ATAD2: variants seen among roughly 807,000 people sequenced by gnomAD.
The protein encoded by ATAD2 is ATPase family AAA domain-containing protein 2.
Under a neutral mutation model 168.9 loss-of-function variants are expected in ATAD2, and 62 were observed. The observed-to-expected ratio is 0.37, with a 90% CI of 0.30 to 0.45. ATAD2 has a LOEUF of 0.45. Ranked by LOEUF, ATAD2 falls within the 20% of genes least tolerant of loss-of-function variation. The pLI is 1.00. For synonymous variants in ATAD2, 613 were observed against 571.6 expected (o/e 1.07, Z -1.03); for missense variants, 1,419 against 1,667.8 (o/e 0.85, Z 2.60).
chr8:123,375,719 C>A (rs900501568), intron 2 of ATAD2, among the ~76,000 whole-genome samples: 3 of 152,202 alleles, frequency 2.0e-5, no homozygotes, highest in Non-Finnish European at 4.4e-5. Flanking sequence ...CGCTGTAATT[C>A]CAGCATTTTG....
intron 27 of ATAD2, among the ~76,000 whole-genome samples, chr8:123,321,707 G>A (rs1827472456): frequency 6.6e-6 from 1 of 152,030 alleles, no homozygotes; most frequent in Non-Finnish European, 1.5e-5. Context: ...GCTGAGGCGG[G>A]AGGACCGCTT....
chr8:123,356,982 G>A (rs531037023), intron 12 of ATAD2, among the ~76,000 whole-genome samples: 13 of 152,116 alleles, frequency 8.5e-5, no homozygotes, highest in African/African-American at 3.1e-4. Flanking sequence ...AATATTTATT[G>A]AACTATGGAA....
intron 9 of ATAD2, among the ~76,000 whole-genome samples, 194 bp downstream of exon 9, chr8:123,361,345 A>G (rs1828814463): frequency 1.3e-5 from 2 of 151,616 alleles, no homozygotes; most frequent in Admixed American, 6.6e-5. Context: ...TCAAGAAATC[A>G]GTCATATGTT....
intron 1 of ATAD2, among the ~76,000 whole-genome samples, chr8:123,381,553 G>A (rs1249591452): frequency 1.3e-5 from 2 of 149,698 alleles, no homozygotes; most frequent in South Asian, 2.1e-4. Flanking sequence ...TTAATCTGTT[G>A]TAAAAACCAT....
chr8:123,347,253 T>G lies in ATAD2; in HGVS notation c.2051A>C (p.Gln684Pro). 6.2e-7 allele frequency: 1 copy of G among 1,614,178 alleles called. No homozygotes were observed. Among genetic ancestry groups the G allele is most frequent in the Non-Finnish European group, 8.5e-7 (1 of 1,180,046 alleles). The change falls in exon 16 of 28, where the codon CAA (glutamine) becomes CCA (proline). Residue 684 changes from glutamine (Q) to proline (P), a missense_variant. Coordinates refer to ENST00000287394, the MANE Select transcript of ATAD2 (RefSeq NM_014109.4). ...TCTTTGGGAGGCTGGTATCATCTTT[T>G]GCATAGCTACCTCGAAATCCTTAGC... is the stretch of plus-strand genomic sequence containing the variant. ...ISAKDFEVAM[Q>P]KMIPASQRAV...
At chr8:123,399,885 G>C (rs923428342), upstream of ATAD2, among the ~76,000 whole-genome samples, 2 of 151,430 alleles carry the variant, frequency 1.3e-5, no homozygotes, top group Non-Finnish European at 2.9e-5. Context: ...AAAGGTCTGA[G>C]GCCAGGCATG....
intron 13 of ATAD2, among the ~76,000 whole-genome samples, chr8:123,354,713 C>T (rs796252517): frequency 1.5e-4 from 23 of 151,332 alleles, no homozygotes; most frequent in African/African-American, 4.6e-4. Context: ...TGGGGCACAC[C>T]TGTAGCCCCA....
chr8:123,389,298 A>G (rs1829741027), intron 1 of ATAD2, among the ~76,000 whole-genome samples: 1 of 146,080 alleles, frequency 6.8e-6, no homozygotes, highest in Non-Finnish European at 1.5e-5. Flanking sequence ...TTTTCTATTC[A>G]TCCTCAAGGA....
Position 123,348,265 on chromosome 8 carries a change from T to G in ATAD2, c.1815A>C (p.Lys605Asn). The G allele has an allele frequency of 1.9e-6, 3 of 1,588,488 alleles. No individual in the cohort carries two copies. The South Asian group carries it at 3.5e-5, about 18-fold the overall frequency. The change falls in exon 15 of 28, where the codon AAA (lysine) becomes AAC (asparagine). Residue 605 changes from lysine (K) to asparagine (N), a missense_variant. Lys to Asn is a moderately conservative substitution (Grantham distance 94, BLOSUM62 0). Transcript: ENST00000287394. ...LFSLPDKEAR[K>N]EILKIHTRDW... ...CCCTGGTGTGAATCTTTAGAATCTC[T>G]TTTCGAGCCTATGAATAAAAACAAT... is the stretch of plus-strand genomic sequence containing the variant.
At chr8:123,349,176 A>G in intron 14 of ATAD2, 109 bp downstream of exon 14, 3 of 1,121,844 alleles carry the variant, frequency 2.7e-6, no homozygotes, top group Non-Finnish European at 3.7e-6. Context: ...ATCATTTGAC[A>G]AGACCATGAT....
At position 123,370,925 on chromosome 8, in the gene ATAD2, AGTT is replaced by A; in HGVS notation, c.702_704del (p.Thr235del). 6.2e-7 allele frequency: 1 copy of A among 1,607,236 alleles called. No individual in the cohort carries two copies. The highest frequency in any genetic ancestry group is 8.5e-7 in the Non-Finnish European group (1 of 1,176,270). Reference sequence around the variant, plus strand: ...AACCCACACTGCCTTCTTGATTATCAGTTGTTTCTTCATCAGTTCTTTGAATAT... The same window carrying A: ...AACCCACACTGCCTTCTTGATTATCAGTTTCTTCATCAGTTCTTTGAATAT... On this transcript the variant is annotated inframe_deletion, in exon 6 of 28. Transcript: ENST00000287394.
intron 1 of ATAD2, among the ~76,000 whole-genome samples, chr8:123,381,307 T>A (rs1229567633): frequency 6.6e-6 from 1 of 151,982 alleles, no homozygotes; most frequent in Non-Finnish European, 1.5e-5. Flanking sequence ...CAGAACAACA[T>A]GGGCAACGTG....
intron 24 of ATAD2, among the ~76,000 whole-genome samples, chr8:123,332,790 A>T (rs919559940): frequency 1.3e-5 from 2 of 152,064 alleles, no homozygotes; most frequent in African/African-American, 2.4e-5. Context: ...GTGGACACAA[A>T]ATATGTAATC....
Position 123,380,377 on chromosome 8 carries a change from T to C in ATAD2, c.320+152A>G, listed in dbSNP as rs897262985. 1.3e-5 allele frequency: 11 copies of C among 852,712 alleles called. No individual in the cohort carries two copies. In the Admixed American group the frequency reaches 2.0e-4, roughly 16 times the overall value. The allele number at this position is 852,712 out of a possible 1,614,324, so 52.8% of individuals were successfully genotyped here. ...CACGTATTAATTTTTAATTTAGTCATACTCACTTGTGATCATTTATTTTCA... is the reference window on the plus strand; with the variant it reads ...CACGTATTAATTTTTAATTTAGTCACACTCACTTGTGATCATTTATTTTCA... On this transcript the variant is annotated intron_variant, in intron 2 of 27. Coordinates refer to ENST00000287394, the MANE Select transcript of ATAD2 (RefSeq NM_014109.4).
intron 8 of ATAD2, among the ~76,000 whole-genome samples, chr8:123,368,188 C>T (rs373423965): frequency 3.9e-5 from 6 of 152,080 alleles, no homozygotes; most frequent in South Asian, 2.1e-4. Flanking sequence ...GAAGCTGAGG[C>T]GAGTGGATCA....
At chr8:123,339,503 C>T (rs1270695361) in intron 19 of ATAD2, 57 bp from the exon 20 acceptor site, 2 of 1,436,628 alleles carry the variant, frequency 1.4e-6, no homozygotes, top group Non-Finnish European at 1.9e-6. Flanking sequence ...CCCCAACTTA[C>T]AATGGTTCAA....
At chr8:123,415,753 C>A (rs368018165) in intron 1 of ATAD2, among the ~76,000 whole-genome samples, 1 of 152,290 alleles carries the variant, frequency 6.6e-6, no homozygotes, top group East Asian at 1.9e-4. Context: ...CGCCTCCACG[C>A]CCAACTAATT....
intron 13 of ATAD2, among the ~76,000 whole-genome samples, chr8:123,355,451 T>G (rs1196742614): frequency 6.6e-6 from 1 of 152,196 alleles, no homozygotes; most frequent in African/African-American, 2.4e-5. Context: ...CAATTTAGAT[T>G]CAGGTTGGGA....
chr8:123,371,787 T>C lies in ATAD2; in HGVS notation c.419A>G (p.Gln140Arg). The change falls in exon 4 of 28, where the codon CAA (glutamine) becomes CGA (arginine). Residue 140 changes from glutamine (Q) to arginine (R), a missense_variant. By Grantham distance (43) the Gln-to-Arg change is conservative. Around this residue, in one of 5 missense-constraint regions of ATAD2, gnomAD observed 419 missense variants for 423.5 expected, o/e 0.99. Transcript: ENST00000287394. Reference sequence around the variant, plus strand: ...ATCTTCATGTAAGTGTTCTGTACTTTGAACGATGTTTCTAGCCCTCAATGA... The same window carrying C: ...ATCTTCATGTAAGTGTTCTGTACTTCGAACGATGTTTCTAGCCCTCAATGA... ...TRSLRARNIV[Q>R]STEHLHEDNG... is the part of the protein sequence containing the mutation. 1 of 1,611,762 alleles carries C rather than the reference T, an allele frequency of 6.2e-7. No individual in the cohort carries two copies. The highest frequency in any genetic ancestry group is 1.1e-5 in the South Asian group (1 of 90,448).
Sources: gnomAD v4.1 joint callset for allele counts (sites outside exome capture counted in the v4.1 genomes callset) on GRCh38, gnomAD v4.1.1 for gene constraint, gnomAD v4.1.1 regional missense constraint, MANE v1.5 for transcripts, NCBI Gene and HGNC (gene_info 2026-07-23, HGNC 2026-07-21) for gene names.